CACNA1E: variants seen among roughly 807,000 people sequenced by gnomAD.
CACNA1E encodes the protein calcium voltage-gated channel subunit alpha1 E.
In CACNA1E, 40 loss-of-function variants were observed where a neutral mutation model predicts 259.2. The observed-to-expected ratio is 0.15, with a 90% CI of 0.12 to 0.20. The LOEUF (loss-of-function observed/expected upper bound fraction) is 0.20, where lower values mean the gene tolerates loss of function less well. Among genes scored for constraint, CACNA1E ranks in the 10% least tolerant of loss-of-function variants. The pLI is 1.00. For synonymous variants in CACNA1E, 1,104 were observed against 1,138.5 expected (o/e 0.97, Z 0.61); for missense variants, 1,874 against 3,040.1 (o/e 0.62, Z 9.02).
At chr1:181,520,212 G>A (rs1220238633) in intron 3 of CACNA1E, among the ~76,000 whole-genome samples, 2 of 152,066 alleles carry the variant, frequency 1.3e-5, no homozygotes, top group East Asian at 3.9e-4. Context: ...ACTTAAAGAG[G>A]CAAAGTCACT....
chr1:181,433,214 C>T (rs1659837677), intron 2 of CACNA1E, among the ~76,000 whole-genome samples: 1 of 152,206 alleles, frequency 6.6e-6, no homozygotes. Flanking sequence ...CAACCTGGGG[C>T]TTCTCTTCAG....
At chr1:181,624,235 C>T (rs1655988095) in intron 6 of CACNA1E, among the ~76,000 whole-genome samples, 1 of 152,152 alleles carries the variant, frequency 6.6e-6, no homozygotes, top group African/African-American at 2.4e-5. Context: ...AGACACCTCC[C>T]ATTAGGCCCC....
rs529851721 is a variant in CACNA1E, at chr1:181,805,805, C to T, written c.*6971C>T. On this transcript the variant is annotated 3_prime_UTR_variant, in exon 48 of 48. Coordinates refer to ENST00000367573, the MANE Select transcript of CACNA1E (RefSeq NM_001205293.3). ...CAGAAAAACAAATGGAGGAGAAAAG[C>T]CTAATGCACCACATGTGTTTGGCAT... 1 of 152,296 alleles carries T rather than the reference C, an allele frequency of 6.6e-6. No individual in the cohort carries two copies. The highest frequency in any genetic ancestry group is 2.1e-4 in the South Asian group (1 of 4,824). The allele number at this position is 152,296 out of a possible 1,614,324, so 9.4% of individuals were successfully genotyped here. A position where few individuals can be genotyped will look rare whatever the true frequency, so the allele number is the denominator to read the frequency against.
intron 6 of CACNA1E, among the ~76,000 whole-genome samples, chr1:181,628,980 G>C (rs1210986804): frequency 1.3e-5 from 2 of 152,156 alleles, no homozygotes; most frequent in Non-Finnish European, 2.9e-5. Flanking sequence ...CAGTGATAGG[G>C]ACTGGGAATA....
intron 3 of CACNA1E, among the ~76,000 whole-genome samples, chr1:181,516,026 A>G (rs1001282126): frequency 1.3e-5 from 2 of 152,026 alleles, no homozygotes; most frequent in Admixed American, 6.5e-5. Context: ...ATCTCTATCT[A>G]CCTCTGCCAG....
chr1:181,639,702 A>G (rs1657577437), intron 6 of CACNA1E, among the ~76,000 whole-genome samples: 1 of 152,226 alleles, frequency 6.6e-6, no homozygotes, highest in African/African-American at 2.4e-5. Context: ...AACAATGAAC[A>G]TGATTACTTT....
At chr1:181,693,128 CAAA>C (rs61662957) in intron 7 of CACNA1E, among the ~76,000 whole-genome samples, 13,608 of 98,136 alleles carry the variant, frequency 0.14, 510 homozygotes, top group Middle Eastern at 0.23. Flanking sequence ...CTATCTAAAG[CAAA>C]AAAAAAAAAA....
At chr1:181,736,486 T>A in intron 22 of CACNA1E, 52 bp downstream of exon 22, 1 of 1,534,464 alleles carries the variant, frequency 6.5e-7, no homozygotes, top group Non-Finnish European at 8.9e-7. Flanking sequence ...AACGGCCAGG[T>A]GTGAGGCAGG....
chr1:181,667,731 G>A (rs1276799770), intron 7 of CACNA1E, among the ~76,000 whole-genome samples: 2 of 151,974 alleles, frequency 1.3e-5, no homozygotes, highest in Non-Finnish European at 2.9e-5. Flanking sequence ...AGAAGTACAG[G>A]GTTTCAAAAA....
intron 3 of CACNA1E, among the ~76,000 whole-genome samples, chr1:181,559,214 A>G (rs1194739129): frequency 1.3e-5 from 2 of 152,188 alleles, no homozygotes; most frequent in Admixed American, 6.5e-5. Context: ...GGGAGCTATA[A>G]GCAAATTGGT....
intron 7 of CACNA1E, among the ~76,000 whole-genome samples, chr1:181,659,634 G>A (rs952133781): frequency 5.3e-5 from 8 of 152,232 alleles, no homozygotes; most frequent in African/African-American, 1.9e-4. Flanking sequence ...AGCAGGGACA[G>A]TCAGACCAGA....
At chr1:181,545,505 C>T (rs1262829271) in intron 3 of CACNA1E, among the ~76,000 whole-genome samples, 1 of 152,148 alleles carries the variant, frequency 6.6e-6, no homozygotes, top group African/African-American at 2.4e-5. Context: ...CTTGGAATCC[C>T]CCCACACTGA....
At chr1:181,722,522 G>A (rs1195371374) in intron 16 of CACNA1E, among the ~76,000 whole-genome samples, 1 of 152,190 alleles carries the variant, frequency 6.6e-6, no homozygotes, top group East Asian at 1.9e-4. Context: ...TTTAATCCCA[G>A]CAACTCTGTG....
chr1:181,449,181 AT>A (rs34137390), intron 2 of CACNA1E, among the ~76,000 whole-genome samples: 6,121 of 152,262 alleles, frequency 0.04, 268 homozygotes, highest in African/African-American at 0.11. Flanking sequence ...TGGGTAGACT[AT>A]TGATGCTGTG....
At chr1:181,665,728 GTACAAT>G (rs1648156551) in intron 7 of CACNA1E, among the ~76,000 whole-genome samples, 1 of 151,960 alleles carries the variant, frequency 6.6e-6, no homozygotes, top group African/African-American at 2.4e-5. Context: ...CCATAAATAT[GTACAAT>G]TACAATGTGC....
chr1:181,554,690 C>T (rs1648539988), intron 3 of CACNA1E, among the ~76,000 whole-genome samples: 1 of 152,202 alleles, frequency 6.6e-6, no homozygotes, highest in African/African-American at 2.4e-5. Flanking sequence ...GTTGCTCACA[C>T]ACTGTGTACT....
intron 2 of CACNA1E, among the ~76,000 whole-genome samples, chr1:181,462,028 T>C (rs1400963630): frequency 6.6e-6 from 1 of 152,222 alleles, no homozygotes; most frequent in African/African-American, 2.4e-5. Flanking sequence ...TAACCAGCTT[T>C]ACTGATTAAT....
At chr1:181,648,813 C>A (rs532900158) in intron 6 of CACNA1E, among the ~76,000 whole-genome samples, 15 of 152,154 alleles carry the variant, frequency 9.9e-5, no homozygotes, top group African/African-American at 1.2e-4. Context: ...TTGCTGATAC[C>A]TGCTAATGTT....
chr1:181,525,298 A>T (rs1667275107), intron 3 of CACNA1E, among the ~76,000 whole-genome samples: 1 of 152,224 alleles, frequency 6.6e-6, no homozygotes, highest in African/African-American at 2.4e-5. Context: ...GAGATGGAAG[A>T]TCACTGGGAA....
Sources: gnomAD v4.1 joint callset for allele counts (sites outside exome capture counted in the v4.1 genomes callset) on GRCh38, gnomAD v4.1.1 for gene constraint, MANE v1.5 for transcripts, NCBI Gene and HGNC (gene_info 2026-07-23, HGNC 2026-07-21) for gene names.